The following SPRED2 variants were observed in gnomAD, a reference collection of about 807,000 sequenced individuals.
SPRED2 encodes the protein sprouty related EVH1 domain containing 2.
A neutral mutation model predicts 43.0 loss-of-function variants in SPRED2; 47 were observed. That is an observed-to-expected ratio of 1.09 (90% CI 0.87 to 1.40). SPRED2 has a LOEUF of 1.40. Among genes scored for constraint, SPRED2 ranks in the 40% most tolerant of loss-of-function variants. The probability of loss-of-function intolerance (pLI) is 0.00; values close to 1 mark genes in which losing one functional copy is unlikely to be tolerated. For missense variants in SPRED2, 561 were observed against 586.4 expected (o/e 0.96, Z 0.45); for synonymous variants, 225 against 225.7 (o/e 1.00, Z 0.03).
chr2:65,398,155 A>G (rs1185234123), intron 1 of SPRED2, among the ~76,000 whole-genome samples: 1 of 152,260 alleles, frequency 6.6e-6, no homozygotes, highest in Non-Finnish European at 1.5e-5. Flanking sequence ...ACCCTATTCA[A>G]CAAATGGTAC....
At chr2:65,352,154 C>A (rs1674530276) in intron 1 of SPRED2, among the ~76,000 whole-genome samples, 1 of 152,230 alleles carries the variant, frequency 6.6e-6, no homozygotes, top group Non-Finnish European at 1.5e-5. Flanking sequence ...TAGAAAGACT[C>A]GATCGCAAAG....
At chr2:65,403,154 G>A (rs1290952473) in intron 1 of SPRED2, among the ~76,000 whole-genome samples, 3 of 152,184 alleles carry the variant, frequency 2.0e-5, no homozygotes, top group African/African-American at 4.8e-5. Flanking sequence ...CTATAAACTC[G>A]GCAGTACTAC....
downstream of SPRED2, among the ~76,000 whole-genome samples, chr2:65,309,052 A>G (rs1672997605): frequency 6.6e-6 from 1 of 151,882 alleles, no homozygotes; most frequent in East Asian, 1.9e-4. Context: ...GCTACTCAGG[A>G]GGCTGGGGCA....
Position 65,334,828 on chromosome 2 carries a change from T to C in SPRED2, c.205-55A>G, listed in dbSNP as rs1370195395. 5 of 1,589,650 alleles carry C rather than the reference T, an allele frequency of 3.1e-6. No individual in the cohort carries two copies. The South Asian group carries it at 5.6e-5, about 18-fold the overall frequency. On this transcript the variant is annotated intron_variant, in intron 2 of 5. Transcript: ENST00000356388. ...CTAGTGGAACAGCCATGATGATGTC[T>C]GGTTACAGAAGTCTAATTAGGAACC...
chr2:65,308,610 T>A (rs1427021770), downstream of SPRED2: 1 of 980,600 alleles, frequency 1.0e-6, no homozygotes, highest in Non-Finnish European at 1.2e-6. Context: ...GGAACTAGCA[T>A]TTTTGGGGCA....
At chr2:65,316,021 A>T (rs1673222129) in intron 5 of SPRED2, among the ~76,000 whole-genome samples, 2 of 152,214 alleles carry the variant, frequency 1.3e-5, no homozygotes, top group South Asian at 2.1e-4. Flanking sequence ...ATCTAAAATA[A>T]TTTTTTTAAA....
chr2:65,314,711 T>C (rs780425032), intron 5 of SPRED2, among the ~76,000 whole-genome samples: 1 of 152,224 alleles, frequency 6.6e-6, no homozygotes, highest in East Asian at 1.9e-4. Flanking sequence ...TGGAGTGCAA[T>C]ACATGTGAGA....
At chr2:65,343,649 G>T (rs769517353) in intron 2 of SPRED2, among the ~76,000 whole-genome samples, 7 of 152,156 alleles carry the variant, frequency 4.6e-5, no homozygotes, top group Non-Finnish European at 1.0e-4. Flanking sequence ...ACAGATAGAA[G>T]TAGTGTTCTT....
chr2:65,307,945 C>T (rs535571940), downstream of SPRED2, among the ~76,000 whole-genome samples: 4 of 152,186 alleles, frequency 2.6e-5, no homozygotes, highest in African/African-American at 7.2e-5. Context: ...CTCCCCACAC[C>T]CCCCGCCCCC....
intron 1 of SPRED2, among the ~76,000 whole-genome samples, chr2:65,345,332 C>A (rs1388145269): frequency 1.5e-5 from 2 of 135,738 alleles, no homozygotes; most frequent in African/African-American, 2.7e-5. Flanking sequence ...GGCGCGATGT[C>A]GGCTCACTGC....
chr2:65,357,960 G>C (rs1019217205), intron 1 of SPRED2, among the ~76,000 whole-genome samples: 1 of 150,678 alleles, frequency 6.6e-6, no homozygotes, highest in Non-Finnish European at 1.5e-5. Flanking sequence ...TTTCAACTTT[G>C]ATCCCTTTTC....
chr2:65,335,572 C>G (rs1673940421), intron 2 of SPRED2, among the ~76,000 whole-genome samples: 1 of 152,176 alleles, frequency 6.6e-6, no homozygotes, highest in African/African-American at 2.4e-5. Context: ...CATTCATTGT[C>G]CAGTATATCT....
intron 1 of SPRED2, among the ~76,000 whole-genome samples, chr2:65,345,261 T>A (rs985117984): frequency 2.9e-5 from 2 of 69,002 alleles, no homozygotes; most frequent in Non-Finnish European, 5.3e-5. Context: ...TAGTTGTTGT[T>A]TTTTTTTTTT....
At chr2:65,347,042 A>C (rs1674370069) in intron 1 of SPRED2, among the ~76,000 whole-genome samples, 1 of 152,152 alleles carries the variant, frequency 6.6e-6, no homozygotes, top group Non-Finnish European at 1.5e-5. Flanking sequence ...TCTCGTCATT[A>C]CCAATATCTG....
intron 1 of SPRED2, among the ~76,000 whole-genome samples, chr2:65,358,414 AAGAAG>A (rs1674717315): frequency 6.6e-6 from 1 of 152,126 alleles, no homozygotes; most frequent in Admixed American, 6.5e-5. Flanking sequence ...AATGCAGGCC[AAGAAG>A]AGAAGAGAGA....
At chr2:65,388,163 G>A (rs562945987) in intron 1 of SPRED2, among the ~76,000 whole-genome samples, 6 of 152,316 alleles carry the variant, frequency 3.9e-5, no homozygotes, top group African/African-American at 1.2e-4. Context: ...TCACACAGCC[G>A]CACAGAGCTG....
intron 1 of SPRED2, among the ~76,000 whole-genome samples, chr2:65,389,460 C>G (rs1293860130): frequency 6.6e-6 from 1 of 152,152 alleles, no homozygotes; most frequent in African/African-American, 2.4e-5. Flanking sequence ...ACATAACACA[C>G]ACAGTCCAAA....
In SPRED2 at chr2:65,316,551, C is replaced by T. The variant is rs1673238617; in HGVS notation, c.588+183G>A. Among the ~76,000 whole-genome samples, 3 of 152,178 alleles carry T rather than the reference C, an allele frequency of 2.0e-5. No homozygotes were observed. The South Asian group carries it at 6.2e-4, about 32-fold the overall frequency. On this transcript the variant is annotated intron_variant, in intron 5 of 5. Transcript: ENST00000356388. The stretch of plus-strand genomic sequence containing the variant: ...AGGGTCTGGCAAGGTGTCTGGCACA[C>T]AGAAAACACTGGATGAGGCTGAGGT...
intron 1 of SPRED2, among the ~76,000 whole-genome samples, chr2:65,360,705 A>C (rs566291537): frequency 6.6e-6 from 1 of 152,334 alleles, no homozygotes; most frequent in South Asian, 2.1e-4. Context: ...TTAATTGGGA[A>C]AGAGTTTCAG....
Sources: allele counts gnomAD v4.1 joint callset (sites outside exome capture counted in the v4.1 genomes callset), GRCh38; gene constraint gnomAD v4.1.1; transcripts MANE v1.5; gene names NCBI Gene and HGNC (gene_info 2026-07-23, HGNC 2026-07-21).